Variants in PPP2R5C observed in about 807,000 individuals in gnomAD.
PPP2R5C encodes protein phosphatase 2 regulatory subunit B'gamma.
Under a neutral mutation model 68.9 loss-of-function variants are expected in PPP2R5C, and 7 were observed. That is an observed-to-expected ratio of 0.10 (90% confidence interval 0.06 to 0.19). PPP2R5C has a LOEUF of 0.19. PPP2R5C is among the 10% of genes least tolerant of loss of function. The pLI, the probability that PPP2R5C is intolerant of heterozygous loss-of-function variation, is 1.00. For missense variants in PPP2R5C, 348 were observed against 641.3 expected, an observed-to-expected ratio of 0.54 and a Z score of 4.94; for synonymous variants, 210 against 222.2, an observed-to-expected ratio of 0.95 and a Z score of 0.49.
At chr14:101,912,505 C>A in intron 12 of PPP2R5C, 32 bp downstream of exon 14, 1 of 1,581,384 alleles carries the variant, frequency 6.3e-7, no homozygotes, top group Non-Finnish European at 8.5e-7. Flanking sequence ...TGAAAACGCC[C>A]AGGGTTACTT....
intron 1 of PPP2R5C, chr14:101,831,868 G>C (rs1018210765): frequency 1.6e-6 from 1 of 643,600 alleles, no homozygotes; most frequent in African/African-American, 1.8e-5. Context: ...ACTTACATTG[G>C]CTTTAAAGTT....
chr14:101,881,833 G>T (rs561950620), intron 2 of PPP2R5C, among the ~76,000 whole-genome samples: 1 of 152,282 alleles, frequency 6.6e-6, no homozygotes, highest in South Asian at 2.1e-4. Context: ...CCTTGGTCTT[G>T]CACCCACTGG....
At chr14:101,884,558 C>T (rs2044365704) in intron 5 of PPP2R5C, among the ~76,000 whole-genome samples, 1 of 152,188 alleles carries the variant, frequency 6.6e-6, no homozygotes, top group Admixed American at 6.5e-5. Flanking sequence ...TTGGAGACTC[C>T]CACTGTGCAC....
At chr14:101,851,836 C>T (rs1377619025) in intron 1 of PPP2R5C, among the ~76,000 whole-genome samples, 2 of 151,838 alleles carry the variant, frequency 1.3e-5, no homozygotes, top group African/African-American at 4.8e-5. Context: ...AGTTTCCTAT[C>T]CACAGTTTAC....
chr14:101,847,705 G>A lies in PPP2R5C; in HGVS notation c.95-8981G>A, dbSNP rs552585353. ...TTTCCTGAGACGGAGTCTCTATCGC[G>A]AGGCTGGAGTGTGGTGGCGTGATCT... On this transcript the variant is annotated intron_variant, in intron 1 of 13. Coordinates refer to ENST00000334743, the Ensembl canonical transcript of PPP2R5C. Among the ~76,000 whole-genome samples, 3 of 142,648 alleles carry A rather than the reference G, an allele frequency of 2.1e-5. No homozygotes were observed. The Admixed American group carries it at 2.2e-4, about 10-fold the overall frequency. 93.6% of individuals were successfully genotyped at this position (142,648 alleles called of 152,430 possible). A position where few individuals can be genotyped will look rare whatever the true frequency, so the allele number is the denominator to read the frequency against.
chr14:101,785,979 A>G (rs768115046), intron 2 of PPP2R5C, 39 bp from the exon 3 acceptor site: 3 of 1,497,602 alleles, frequency 2.0e-6, no homozygotes, highest in Non-Finnish European at 2.7e-6. Flanking sequence ...AAATACAACC[A>G]TTGTACATAT....
intron 10 of PPP2R5C, among the ~76,000 whole-genome samples, chr14:101,907,514 GA>G (rs1292525972): frequency 1.3e-5 from 2 of 152,128 alleles, no homozygotes; most frequent in Non-Finnish European, 2.9e-5. Flanking sequence ...GCTATTTAAA[GA>G]AATACGACTG....
At chr14:101,793,552 AG>A (rs2038464960) in intron 3 of PPP2R5C, among the ~76,000 whole-genome samples, 1 of 152,336 alleles carries the variant, frequency 6.6e-6, no homozygotes, top group South Asian at 2.1e-4. Context: ...GGGCACCAGC[AG>A]GAGCAAACCC....
chr14:101,911,959 C>G (rs2046416311), intron 11 of PPP2R5C, among the ~76,000 whole-genome samples: 1 of 151,960 alleles, frequency 6.6e-6, no homozygotes. Context: ...GTCAACAACC[C>G]AGGTCTCCTG....
At chr14:101,872,168 A>G (rs1015501587) in intron 2 of PPP2R5C, among the ~76,000 whole-genome samples, 1 of 142,762 alleles carries the variant, frequency 7.0e-6, no homozygotes, top group Non-Finnish European at 1.5e-5. Context: ...TCTACTGATG[A>G]TGAATTCTTT....
chr14:101,762,177 G>A (rs1168768390), intron 1 of PPP2R5C, among the ~76,000 whole-genome samples: 2 of 151,922 alleles, frequency 1.3e-5, no homozygotes, highest in Non-Finnish European at 2.9e-5. Flanking sequence ...GTGATGGGCC[G>A]GGGCTGGGCG....
At position 101,769,726 on chromosome 14, in the gene PPP2R5C, TGTA is replaced by T. The variant is rs200733332; in HGVS notation, c.93+6759_93+6761del. 1.1e-4 allele frequency among the ~76,000 whole-genome samples: 17 copies of T among 152,308 alleles called. No individual in the cohort carries two copies. In the East Asian group the frequency reaches 3.3e-3, roughly 29 times the overall value. ...CTTTTACATATTCAGTGGAAAAAAG[TGTA>T]GTCTCATAAGATCTTGGTTAAAAGG... On this transcript the variant is annotated intron_variant, in intron 2 of 14. Coordinates refer to the PPP2R5C transcript ENST00000328724.
At chr14:101,867,478 TTAAAAA>T (rs935014219) in intron 2 of PPP2R5C, among the ~76,000 whole-genome samples, 2 of 151,950 alleles carry the variant, frequency 1.3e-5, no homozygotes, top group Non-Finnish European at 2.9e-5. Context: ...TTTTTCTTTC[TTAAAAA>T]TAAAAACAAG....
intron 2 of PPP2R5C, among the ~76,000 whole-genome samples, chr14:101,774,495 C>T (rs1004399987): frequency 2.6e-5 from 4 of 152,218 alleles, no homozygotes; most frequent in African/African-American, 7.2e-5. Context: ...CTCCTATTCT[C>T]TGCTATACCC....
At chr14:101,765,186 T>C in intron 2 of PPP2R5C, 2 of 702,814 alleles carry the variant, frequency 2.8e-6, no homozygotes, top group Non-Finnish European at 5.2e-6. Flanking sequence ...CTACAGAGCT[T>C]GAAATTACCA....
chr14:101,785,093 C>G (rs966943652), intron 2 of PPP2R5C, among the ~76,000 whole-genome samples: 1 of 152,146 alleles, frequency 6.6e-6, no homozygotes, highest in Non-Finnish European at 1.5e-5. Context: ...ATGGTGCAGC[C>G]TGGGAATGAG....
chr14:101,816,909 T>A (rs1362247776), intron 1 of PPP2R5C, among the ~76,000 whole-genome samples: 4 of 137,502 alleles, frequency 2.9e-5, no homozygotes, highest in Admixed American at 1.5e-4. Flanking sequence ...AATATATATA[T>A]AATATATATA....
intron 1 of PPP2R5C, among the ~76,000 whole-genome samples, chr14:101,813,316 A>C (rs879693726): frequency 2.6e-5 from 4 of 152,244 alleles, no homozygotes; most frequent in Non-Finnish European, 4.4e-5. Context: ...TGTGGGTGAA[A>C]GCAGCCATAG....
At chr14:101,768,251 T>C (rs1478203484) in intron 2 of PPP2R5C, among the ~76,000 whole-genome samples, 1 of 152,204 alleles carries the variant, frequency 6.6e-6, no homozygotes, top group Non-Finnish European at 1.5e-5. Flanking sequence ...AATATGTACA[T>C]TTGCTTACAA....
Sources: gnomAD v4.1 joint callset for allele counts (sites outside exome capture counted in the v4.1 genomes callset) on GRCh38, gnomAD v4.1.1 for gene constraint, MANE v1.5 for transcripts, NCBI Gene and HGNC (gene_info 2026-07-23, HGNC 2026-07-21) for gene names.